The following NDUFS1 variants were observed in gnomAD, a reference collection of about 807,000 sequenced individuals.
The protein encoded by NDUFS1 is NADH-ubiquinone oxidoreductase 75 kDa subunit, mitochondrial.
NDUFS1 carries 61 observed loss-of-function variants against 84.4 expected under a neutral mutation model. The observed-to-expected ratio is 0.72, with a 90% CI of 0.59 to 0.89. NDUFS1 has a LOEUF of 0.89. Among genes scored for constraint, NDUFS1 ranks in the 40% least tolerant of loss-of-function variants. The pLI is 0.00. For synonymous variants in NDUFS1, 275 were observed against 290.0 expected, an observed-to-expected ratio of 0.95 and a Z score of 0.53; for missense variants, 891 against 890.0, an observed-to-expected ratio of 1.00 and a Z score of -0.01.
chr2:206,146,284 CA>C (rs1329422539), intron 8 of NDUFS1, among the ~76,000 whole-genome samples: 2 of 152,254 alleles, frequency 1.3e-5, no homozygotes, highest in East Asian at 3.9e-4. Context: ...GGATGTATGA[CA>C]ACCACGAATC....
rs181526241 is a variant in NDUFS1, at chr2:206,132,022, G to A, written c.1553+923C>T. On this transcript the variant is annotated intron_variant, in intron 14 of 18. Coordinates refer to ENST00000233190, the MANE Select transcript of NDUFS1 (RefSeq NM_005006.7). ...GCCAATAGTCCCAGCTTACTTGGGA[G>A]GCTGAGGCAGGAGGATCGCTTGAAC... Among the ~76,000 whole-genome samples, 5 of 152,206 alleles carry A rather than the reference G, an allele frequency of 3.3e-5. No individual in the cohort carries two copies. The East Asian group carries it at 9.6e-4, about 29-fold the overall frequency.
At position 206,133,113 on chromosome 2, in the gene NDUFS1, A is replaced by T; in HGVS notation, c.1393-8T>A. On this transcript the variant is annotated splice_region_variant and splice_polypyrimidine_tract_variant and intron_variant, in intron 13 of 18. Coordinates refer to ENST00000233190, the MANE Select transcript of NDUFS1 (RefSeq NM_005006.7). ...TTTAGCTTCCTTTAGGACCTATTTA[A>T]AAAAAAAAACAACTTTGATTTTAAA... 2 of 1,587,414 alleles carry T rather than the reference A, an allele frequency of 1.3e-6. No individual in the cohort carries two copies. Among genetic ancestry groups the T allele is most frequent in the South Asian group, 2.3e-5 (2 of 86,724 alleles).
At chr2:206,139,290 A>AT (rs2105962384) in intron 12 of NDUFS1, among the ~76,000 whole-genome samples, 1 of 151,756 alleles carries the variant, frequency 6.6e-6, no homozygotes, top group African/African-American at 2.4e-5. Context: ...GGTTCCAGCA[A>AT]TTTTCCTGCC....
At position 206,153,665 on chromosome 2, in the gene NDUFS1, G is replaced by A. The variant is rs779943105; in HGVS notation, c.14C>T (p.Pro5Leu). 2.0e-6 allele frequency: 3 copies of A among 1,517,244 alleles called. No homozygotes were observed. Among genetic ancestry groups the A allele is most frequent in the Non-Finnish European group, 1.8e-6 (2 of 1,097,984 alleles). The allele number at this position is 1,517,244 out of a possible 1,614,324, so 94.0% of individuals were successfully genotyped here. MLRI[P>L]VRKALVGLSK... ...AAGGCCTACTAAGGCCTTTCTTACA[G>A]GTATCCTTAACATATTGCTAAAAAT... The change falls in exon 2 of 19, where the codon CCT (proline) becomes CTT (leucine). Residue 5 changes from proline to leucine, a missense_variant. By Grantham distance (98) the Pro-to-Leu change is moderately conservative. Transcript: ENST00000233190.
intron 15 of NDUFS1, among the ~76,000 whole-genome samples, chr2:206,128,309 G>A (rs1031695709): frequency 6.6e-6 from 1 of 151,960 alleles, no homozygotes; most frequent in Non-Finnish European, 1.5e-5. Context: ...GGGACTACAG[G>A]TGCCTGCCAC....
Position 206,123,976 on chromosome 2 carries a change from TG to T in NDUFS1, c.*208del, listed in dbSNP as rs1308516194. On this transcript the variant is annotated 3_prime_UTR_variant, in exon 19 of 19. Coordinates refer to ENST00000233190, the MANE Select transcript of NDUFS1 (RefSeq NM_005006.7). Reference sequence around the variant, plus strand: ...GCTTTTAAGAGCATCTGCATAGTTTTGTTATTTAACCTTTACACACAATACA... The same window carrying T: ...GCTTTTAAGAGCATCTGCATAGTTTTTTATTTAACCTTTACACACAATACA... The T allele has an allele frequency of 1.9e-6, 1 of 527,538 alleles. No individual in the cohort carries two copies. Among genetic ancestry groups the T allele is most frequent in the Non-Finnish European group, 3.3e-6 (1 of 299,392 alleles). The allele number at this position is 527,538 out of a possible 1,614,324, so 32.7% of individuals were successfully genotyped here.
At chr2:206,131,799 C>T (rs550233689) in intron 14 of NDUFS1, among the ~76,000 whole-genome samples, 8 of 152,186 alleles carry the variant, frequency 5.3e-5, no homozygotes, top group Non-Finnish European at 8.8e-5. Context: ...ATTAGCCTGG[C>T]ATAGTGGCAC....
At chr2:206,158,265 A>G (rs1366601112) in intron 1 of NDUFS1, among the ~76,000 whole-genome samples, 1 of 152,098 alleles carries the variant, frequency 6.6e-6, no homozygotes, top group African/African-American at 2.4e-5. Context: ...TCCGGCCTTC[A>G]ATAGCTTAAC....
chr2:206,131,927 A>G (rs1691526861), intron 14 of NDUFS1, among the ~76,000 whole-genome samples: 1 of 151,796 alleles, frequency 6.6e-6, no homozygotes, highest in Non-Finnish European at 1.5e-5. Context: ...TGACAGAGCA[A>G]TACTTCATCT....
chr2:206,143,451 G>A (rs1013198222), intron 10 of NDUFS1, among the ~76,000 whole-genome samples: 4 of 152,148 alleles, frequency 2.6e-5, no homozygotes, highest in East Asian at 1.9e-4. Flanking sequence ...GACCTCCTCT[G>A]AAGTATCTGC....
chr2:206,140,799 G>A (rs950917954), intron 12 of NDUFS1, among the ~76,000 whole-genome samples: 2 of 151,932 alleles, frequency 1.3e-5, no homozygotes, highest in African/African-American at 4.8e-5. Context: ...CATTATTTAA[G>A]AGAATGCTCC....
chr2:206,136,427 GTTTTTTTTTTGTTTT>G (rs1559050023), intron 13 of NDUFS1, among the ~76,000 whole-genome samples: 1 of 123,308 alleles, frequency 8.1e-6, no homozygotes, highest in African/African-American at 3.1e-5. Context: ...TTAGTTGTTG[GTTTTTTTTTTGTTTT>G]TTTTTTTTTG....
Position 206,144,970 on chromosome 2 carries a change from G to C in NDUFS1, c.794C>G (p.Thr265Arg), listed in dbSNP as rs1413634832. 1.1e-5 allele frequency: 17 copies of C among 1,613,946 alleles called. No homozygotes were observed. Among genetic ancestry groups the C allele is most frequent in the Non-Finnish European group, 1.4e-5 (16 of 1,179,930 alleles). Residue 265 changes from threonine to arginine, a missense_variant, in exon 9 of 19, where the codon ACA (threonine) becomes AGA (arginine). By Grantham distance (71) the Thr-to-Arg change is moderately conservative. Coordinates refer to ENST00000233190, the MANE Select transcript of NDUFS1 (RefSeq NM_005006.7). ...DAVGSNIVVS[T>R]RTGEVMRILP... ...AATCCTCATCACTTCTCCAGTTCTT[G>C]TGCTAACCACAATATTACTTCCAAC...
intron 3 of NDUFS1, among the ~76,000 whole-genome samples, chr2:206,151,161 T>C (rs1575993791): frequency 6.6e-6 from 1 of 152,338 alleles, no homozygotes; most frequent in East Asian, 1.9e-4. Flanking sequence ...CTACAGTCGC[T>C]GTCACCCTGT....
chr2:206,156,909 T>C (rs1576004866), intron 1 of NDUFS1, among the ~76,000 whole-genome samples: 2 of 152,218 alleles, frequency 1.3e-5, no homozygotes, highest in Non-Finnish European at 2.9e-5. Context: ...GCTCAACAAA[T>C]GCCAGTTAAA....
intron 12 of NDUFS1, 31 bp downstream of exon 12, chr2:206,141,910 T>G (rs958486890): frequency 8.8e-6 from 14 of 1,582,076 alleles, no homozygotes; most frequent in Middle Eastern, 1.7e-4. Flanking sequence ...ACATAAATAT[T>G]TTTAAACCTT....
intron 13 of NDUFS1, among the ~76,000 whole-genome samples, chr2:206,136,367 T>A (rs1487867480): frequency 6.6e-6 from 1 of 151,512 alleles, no homozygotes; most frequent in African/African-American, 2.4e-5. Context: ...CAGCTTTCAA[T>A]GTGCCTACCT....
chr2:206,152,559 A>G, intron 2 of NDUFS1, 49 bp from the exon 3 acceptor site: 1 of 1,498,346 alleles, frequency 6.7e-7, no homozygotes, highest in East Asian at 2.3e-5. Context: ...AGTTTATTAT[A>G]GCAGATGATA....
In NDUFS1 at chr2:206,119,904, A is replaced by AC. The variant is rs1156822580; in HGVS notation, c.*4280dup. 2 of 151,762 alleles carry AC rather than the reference A, an allele frequency of 1.3e-5. No homozygotes were observed. The highest frequency in any genetic ancestry group is 4.8e-5 in the African/African-American group (2 of 41,288). 9.4% of individuals were successfully genotyped at this position (151,762 alleles called of 1,614,324 possible). On this transcript the variant is annotated 3_prime_UTR_variant, in exon 19 of 19. Coordinates refer to ENST00000233190, the MANE Select transcript of NDUFS1 (RefSeq NM_005006.7). ...CTTCCAAATCTCATGTTGAAATGTAACCCCCAATGCTGGAGGTAGGGCCTC... is the reference window on the plus strand; with the variant it reads ...CTTCCAAATCTCATGTTGAAATGTAACCCCCCAATGCTGGAGGTAGGGCCTC...
Sources: gnomAD v4.1 joint callset for allele counts (sites outside exome capture counted in the v4.1 genomes callset) on GRCh38, gnomAD v4.1.1 for gene constraint, MANE v1.5 for transcripts, NCBI Gene and HGNC (gene_info 2026-07-23, HGNC 2026-07-21) for gene names.